NAPB: variants seen among roughly 807,000 people sequenced by gnomAD.
NAPB encodes NSF attachment protein beta.
In NAPB, 26 loss-of-function variants were observed where a neutral mutation model predicts 44.7. The observed-to-expected ratio is 0.58, with a 90% CI of 0.43 to 0.81. NAPB has a LOEUF of 0.81. Ranked by LOEUF, NAPB falls within the 30% of genes least tolerant of loss-of-function variation. The pLI, the probability that NAPB is intolerant of heterozygous loss-of-function variation, is 0.00. For missense variants in NAPB, 315 were observed against 356.4 expected (o/e 0.88, Z 0.94); for synonymous variants, 120 against 116.8 (o/e 1.03, Z -0.18).
intron 5 of NAPB, among the ~76,000 whole-genome samples, chr20:23,390,839 C>T (rs1983898397): frequency 6.6e-6 from 1 of 152,222 alleles, no homozygotes; most frequent in South Asian, 2.1e-4. Flanking sequence ...ACGTCTATGA[C>T]TTGCAGCACA....
chr20:23,383,453 A>C (rs952575461), intron 7 of NAPB, among the ~76,000 whole-genome samples: 3 of 152,166 alleles, frequency 2.0e-5, no homozygotes, highest in African/African-American at 4.8e-5. Flanking sequence ...GTTGTGGCTC[A>C]TGCCTGTAAT....
intron 1 of NAPB, among the ~76,000 whole-genome samples, chr20:23,403,370 A>G (rs1984994475): frequency 6.6e-6 from 1 of 152,214 alleles, no homozygotes; most frequent in Non-Finnish European, 1.5e-5. Context: ...TGGGAGGCCA[A>G]GGCGGGCGGA....
At chr20:23,395,260 T>C (rs1984266844) in intron 3 of NAPB, 75 bp from the exon 4 acceptor site, 13 of 1,521,106 alleles carry the variant, frequency 8.5e-6, no homozygotes, top group Non-Finnish European at 1.2e-5. Context: ...GCTGTCTTCC[T>C]GGCTGTTATC....
chr20:23,402,869 A>G, intron 2 of NAPB, 124 bp downstream of exon 2: 2 of 691,654 alleles, frequency 2.9e-6, no homozygotes, highest in Non-Finnish European at 4.9e-6. Context: ...CACATCAGTT[A>G]TTCAGCACTG....
intron 7 of NAPB, among the ~76,000 whole-genome samples, chr20:23,385,763 AAGAGAG>A (rs11468639): frequency 2.0e-4 from 30 of 149,272 alleles, no homozygotes; most frequent in Admixed American, 1.2e-3. Flanking sequence ...GAAAGAGAGA[AAGAGAG>A]AGAGAGAGAG....
chr20:23,379,618 ACAAGT>A (rs1409568903), intron 9 of NAPB, 123 bp from the exon 10 acceptor site: 4 of 776,824 alleles, frequency 5.1e-6, no homozygotes, highest in Non-Finnish European at 8.2e-6. Context: ...ATACTCATAT[ACAAGT>A]CAAGAGCCAA....
chr20:23,399,873 G>A (rs958947313), intron 2 of NAPB, among the ~76,000 whole-genome samples: 31 of 152,348 alleles, frequency 2.0e-4, no homozygotes, highest in African/African-American at 5.0e-4. Context: ...ATTACACACG[G>A]TGGCCACTTT....
intron 1 of NAPB, among the ~76,000 whole-genome samples, chr20:23,416,260 G>T (rs1213608861): frequency 6.6e-6 from 1 of 152,148 alleles, no homozygotes; most frequent in East Asian, 1.9e-4. Context: ...AAGAATGAAA[G>T]AATATGTGGA....
At chr20:23,394,515 T>C (rs940504852) in intron 5 of NAPB, among the ~76,000 whole-genome samples, 10 of 151,808 alleles carry the variant, frequency 6.6e-5, no homozygotes, top group Admixed American at 2.0e-4. Context: ...TGGAGAGAGG[T>C]CTAGGCTGCA....
chr20:23,402,860 A>G (rs753442096), intron 2 of NAPB, 133 bp downstream of exon 2: 1 of 664,560 alleles, frequency 1.5e-6, no homozygotes, highest in Non-Finnish European at 2.6e-6. Context: ...AGTAGCAGCC[A>G]CATCAGTTAT....
chr20:23,405,325 GAGAA>G (rs57723772), intron 1 of NAPB, among the ~76,000 whole-genome samples: 41,645 of 151,436 alleles, frequency 0.28, 5,863 homozygotes, highest in Middle Eastern at 0.37. Context: ...GAGAGAGAGA[GAGAA>G]AGAAAGAAAG....
At chr20:23,409,556 A>T (rs1316486388) in intron 1 of NAPB, among the ~76,000 whole-genome samples, 1 of 152,258 alleles carries the variant, frequency 6.6e-6, no homozygotes, top group Non-Finnish European at 1.5e-5. Context: ...AGATTAATTC[A>T]GAAATGACTG....
chr20:23,403,153 A>G, intron 1 of NAPB, 81 bp from the exon 2 acceptor site: 2 of 986,764 alleles, frequency 2.0e-6, no homozygotes, highest in Admixed American at 2.0e-5. Flanking sequence ...AACATTTAGT[A>G]TATACTTGCT....
At chr20:23,421,057 G>A (rs73901863) in intron 1 of NAPB, among the ~76,000 whole-genome samples, 4,157 of 151,224 alleles carry the variant, frequency 0.027, 185 homozygotes, top group African/African-American at 0.096. Context: ...GGTTTCCAGG[G>A]ACCCTGGGGG....
intron 1 of NAPB, among the ~76,000 whole-genome samples, chr20:23,403,453 A>G (rs535195594): frequency 1.4e-3 from 212 of 152,240 alleles, no homozygotes; most frequent in African/African-American, 4.7e-3. Context: ...AAATACAAAA[A>G]TTAGCTGGGT....
Position 23,379,890 on chromosome 20 carries a change from A to T in NAPB, c.712T>A (p.Ser238Thr). The change falls in exon 9 of 11, where the codon TCA becomes ACA. Residue 238 changes from serine (S) to threonine (T), a missense_variant. Ser to Thr is a moderately conservative substitution (Grantham distance 58, BLOSUM62 1). Around this residue, in one of 3 missense-constraint regions of NAPB, gnomAD observed 120 missense variants for 130.5 expected, o/e 0.92. Transcript: ENST00000377026. ...YEEMFPAFTD[S>T]RECKLLKKLL... Reference sequence around the variant, plus strand: ...ACTTTCAATAATTTACATTCTCTTGAATCAGTAAATGCTGGAAACATTTCC... The same window carrying T: ...ACTTTCAATAATTTACATTCTCTTGTATCAGTAAATGCTGGAAACATTTCC... 1 of 1,612,766 alleles carries T rather than the reference A, an allele frequency of 6.2e-7. No individual in the cohort carries two copies.
At chr20:23,385,063 G>T (rs550627528) in intron 7 of NAPB, among the ~76,000 whole-genome samples, 142 of 152,072 alleles carry the variant, frequency 9.3e-4, no homozygotes, top group African/African-American at 3.1e-3. Context: ...AGGTTGCAGT[G>T]AGCCAAAATC....
At chr20:23,408,808 T>G (rs930470814) in intron 1 of NAPB, among the ~76,000 whole-genome samples, 1 of 152,246 alleles carries the variant, frequency 6.6e-6, no homozygotes, top group East Asian at 1.9e-4. Context: ...GTGATGAGTA[T>G]GCTAACTATC....
At chr20:23,390,068 A>G (rs779809624) in intron 6 of NAPB, 38 bp from the exon 7 acceptor site, 3 of 1,605,182 alleles carry the variant, frequency 1.9e-6, no homozygotes, top group Non-Finnish European at 1.7e-6. Context: ...GTAACAAGTC[A>G]ATGGAAAAAT....
Sources: gnomAD v4.1 joint callset for allele counts (sites outside exome capture counted in the v4.1 genomes callset) on GRCh38, gnomAD v4.1.1 for gene constraint, gnomAD v4.1.1 regional missense constraint, MANE v1.5 for transcripts, NCBI Gene and HGNC (gene_info 2026-07-23, HGNC 2026-07-21) for gene names.